The following GRM1 variants were observed in gnomAD, a reference collection of about 807,000 sequenced individuals.
The protein encoded by GRM1 is metabotropic glutamate receptor 1.
A neutral mutation model predicts 90.9 loss-of-function variants in GRM1; 33 were observed. The ratio of observed to expected loss-of-function variants is 0.36; its 90% CI spans 0.28 to 0.49. The LOEUF (loss-of-function observed/expected upper bound fraction) is 0.49, where lower values mean the gene tolerates loss of function less well. Ranked by LOEUF, GRM1 falls within the 20% of genes least tolerant of loss-of-function variation. The probability of loss-of-function intolerance (pLI) is 0.99; values close to 1 mark genes in which losing one functional copy is unlikely to be tolerated. For synonymous variants in GRM1, 700 were observed against 613.2 expected, an observed-to-expected ratio of 1.14 and a Z score of -2.09; for missense variants, 1,190 against 1,534.3, an observed-to-expected ratio of 0.78 and a Z score of 3.75.
chr6:146,118,486 G>A (rs556193654), intron 1 of GRM1, among the ~76,000 whole-genome samples: 17 of 152,176 alleles, frequency 1.1e-4, no homozygotes, highest in Admixed American at 2.0e-4. Flanking sequence ...TGTGCACAAC[G>A]TGCAGGGTTG....
chr6:146,245,496 C>A (rs558579165), intron 2 of GRM1, among the ~76,000 whole-genome samples: 2 of 152,162 alleles, frequency 1.3e-5, no homozygotes, highest in East Asian at 3.9e-4. Context: ...GATACTGTTA[C>A]CAAAAGTGAT....
chr6:146,122,156 T>G (rs1437581063), intron 1 of GRM1, among the ~76,000 whole-genome samples: 3 of 152,214 alleles, frequency 2.0e-5, no homozygotes, highest in Admixed American at 2.0e-4. Flanking sequence ...TTTTTTAACT[T>G]AAATAATTTT....
At chr6:146,234,668 G>T (rs1490001673) in intron 2 of GRM1, among the ~76,000 whole-genome samples, 1 of 151,806 alleles carries the variant, frequency 6.6e-6, no homozygotes, top group Admixed American at 6.6e-5. Context: ...TAAATTCATT[G>T]CAACTATGTT....
intron 1 of GRM1, among the ~76,000 whole-genome samples, chr6:146,044,572 G>T (rs761372074): frequency 6.6e-6 from 1 of 151,980 alleles, no homozygotes. Flanking sequence ...TAATAAGGTG[G>T]TGATTCAATC....
intron 1 of GRM1, among the ~76,000 whole-genome samples, chr6:146,044,631 T>C (rs931465010): frequency 6.6e-6 from 1 of 151,980 alleles, no homozygotes; most frequent in Admixed American, 6.6e-5. Flanking sequence ...GAGGGATAAA[T>C]TAATCTTTGG....
chr6:146,252,023 G>A (rs1781304826), intron 2 of GRM1, among the ~76,000 whole-genome samples: 1 of 152,088 alleles, frequency 6.6e-6, no homozygotes, highest in Non-Finnish European at 1.5e-5. Flanking sequence ...CCTCTGTCCT[G>A]ACACTTCCTT....
intron 2 of GRM1, among the ~76,000 whole-genome samples, chr6:146,250,073 T>C (rs9485066): frequency 0.21 from 31,744 of 152,156 alleles, 7,326 homozygotes; most frequent in African/African-American, 0.58. Context: ...ATGCCTGTAC[T>C]CCCATTGTAT....
At chr6:146,331,298 T>C (rs1004892320) in intron 3 of GRM1, among the ~76,000 whole-genome samples, 4 of 152,190 alleles carry the variant, frequency 2.6e-5, no homozygotes, top group Admixed American at 2.6e-4. Context: ...GCCATGGCTC[T>C]GAGAGTTTGT....
intron 2 of GRM1, among the ~76,000 whole-genome samples, chr6:146,253,427 G>A (rs1233149641): frequency 6.6e-6 from 1 of 152,102 alleles, no homozygotes; most frequent in East Asian, 1.9e-4. Flanking sequence ...GAATTTTATT[G>A]TTGATGAAAA....
intron 1 of GRM1, among the ~76,000 whole-genome samples, chr6:146,132,666 A>G (rs1776454353): frequency 6.6e-6 from 1 of 152,174 alleles, no homozygotes; most frequent in Non-Finnish European, 1.5e-5. Context: ...TACAGTTTTG[A>G]TGACCTTATT....
intron 1 of GRM1, among the ~76,000 whole-genome samples, chr6:146,063,104 T>C (rs1775729456): frequency 6.6e-6 from 1 of 152,212 alleles, no homozygotes; most frequent in Non-Finnish European, 1.5e-5. Context: ...GCTACCATTG[T>C]CTGCTCCTCT....
chr6:146,198,188 G>T (rs1017081414), intron 2 of GRM1, among the ~76,000 whole-genome samples: 7 of 152,180 alleles, frequency 4.6e-5, no homozygotes, highest in African/African-American at 1.7e-4. Context: ...TTAAAAATCA[G>T]CAAAGCCTTT....
chr6:146,226,867 G>C (rs988528274), intron 2 of GRM1, among the ~76,000 whole-genome samples: 1 of 151,962 alleles, frequency 6.6e-6, no homozygotes, highest in Non-Finnish European at 1.5e-5. Context: ...CCCATGCTCT[G>C]CCACAGTATC....
chr6:146,254,594 A>G (rs1397318963), intron 2 of GRM1, among the ~76,000 whole-genome samples: 1 of 152,172 alleles, frequency 6.6e-6, no homozygotes, highest in Non-Finnish European at 1.5e-5. Flanking sequence ...TTTATAACCA[A>G]GAAAGATGTT....
At chr6:146,060,268 C>G in intron 1 of GRM1, among the ~76,000 whole-genome samples, 1 of 151,774 alleles carries the variant, frequency 6.6e-6, no homozygotes, top group East Asian at 1.9e-4. Context: ...TTATTTCAGG[C>G]TCAGGTGTAC....
intron 2 of GRM1, among the ~76,000 whole-genome samples, chr6:146,192,161 G>A (rs1309214293): frequency 6.6e-6 from 1 of 152,150 alleles, no homozygotes; most frequent in African/African-American, 2.4e-5. Flanking sequence ...AAAGTCTGTG[G>A]AATAATAATG....
intron 2 of GRM1, among the ~76,000 whole-genome samples, chr6:146,277,160 A>G (rs1782404444): frequency 6.6e-6 from 1 of 152,126 alleles, no homozygotes; most frequent in South Asian, 2.1e-4. Context: ...TTTCCCAGCA[A>G]GTTTGGTGTG....
chr6:146,297,002 CA>C (rs1009180298), intron 2 of GRM1, among the ~76,000 whole-genome samples: 2 of 152,178 alleles, frequency 1.3e-5, no homozygotes, highest in African/African-American at 4.8e-5. Flanking sequence ...TGTTGATAAG[CA>C]TTCCCTGATG....
intron 1 of GRM1, among the ~76,000 whole-genome samples, chr6:146,046,057 C>T (rs1791320026): frequency 6.6e-6 from 1 of 151,940 alleles, no homozygotes; most frequent in South Asian, 2.1e-4. Context: ...CTGGACAAGC[C>T]AGGAAACTGC....
Sources: allele counts gnomAD v4.1 joint callset (sites outside exome capture counted in the v4.1 genomes callset), GRCh38; gene constraint gnomAD v4.1.1; transcripts MANE v1.5; gene names NCBI Gene and HGNC (gene_info 2026-07-23, HGNC 2026-07-21).